The following LDLRAD3 variants were observed in gnomAD, a reference collection of about 807,000 sequenced individuals.
The protein encoded by LDLRAD3 is low density lipoprotein receptor class A domain containing 3.
A neutral mutation model predicts 29.4 loss-of-function variants in LDLRAD3; 20 were observed. The ratio of observed to expected loss-of-function variants is 0.68; its 90% CI spans 0.48 to 0.99. The LOEUF (loss-of-function observed/expected upper bound fraction) is 0.99, where lower values mean the gene tolerates loss of function less well. Among genes scored for constraint, LDLRAD3 ranks in the 50% least tolerant of loss-of-function variants. LDLRAD3 has a pLI of 0.00. For missense variants in LDLRAD3, 420 were observed against 454.3 expected, an observed-to-expected ratio of 0.92 and a Z score of 0.69; for synonymous variants, 157 against 192.7, an observed-to-expected ratio of 0.81 and a Z score of 1.53.
intron 4 of LDLRAD3, among the ~76,000 whole-genome samples, chr11:36,159,104 T>C (rs1241163663): frequency 6.6e-6 from 1 of 152,148 alleles, no homozygotes; most frequent in African/African-American, 2.4e-5. Flanking sequence ...CAGATTTGAA[T>C]AGAAATGAGG....
chr11:35,964,456 C>T (rs540314837), intron 1 of LDLRAD3, among the ~76,000 whole-genome samples: 19 of 152,244 alleles, frequency 1.2e-4, no homozygotes, highest in African/African-American at 4.6e-4. Context: ...CACAGAGACC[C>T]AGCTTAGAAC....
At chr11:36,211,170 G>A (rs1358799151) in intron 4 of LDLRAD3, among the ~76,000 whole-genome samples, 1 of 152,156 alleles carries the variant, frequency 6.6e-6, no homozygotes, top group Non-Finnish European at 1.5e-5. Flanking sequence ...CTCTGCCATT[G>A]TAGCATGAAA....
intron 4 of LDLRAD3, among the ~76,000 whole-genome samples, chr11:36,111,785 A>C (rs1011088802): frequency 4.6e-5 from 7 of 152,000 alleles, no homozygotes; most frequent in African/African-American, 1.7e-4. Context: ...TTTTTAGTAG[A>C]GATGGGGTTT....
At chr11:36,021,842 C>T (rs186990141) in intron 1 of LDLRAD3, among the ~76,000 whole-genome samples, 25 of 152,136 alleles carry the variant, frequency 1.6e-4, no homozygotes, top group South Asian at 1.0e-3. Context: ...GTAGAAATGA[C>T]GTCTCACTAT....
chr11:36,202,385 A>G (rs1364779014), intron 4 of LDLRAD3, among the ~76,000 whole-genome samples: 1 of 152,188 alleles, frequency 6.6e-6, no homozygotes, highest in African/African-American at 2.4e-5. Flanking sequence ...GGACTATAGC[A>G]GGAATACCCA....
At position 36,098,406 on chromosome 11, in the gene LDLRAD3, TG is replaced by T; in HGVS notation, c.401del (p.Gly134AspfsTer27). The T allele has an allele frequency of 1.2e-6, 2 of 1,614,250 alleles. No individual in the cohort carries two copies. The highest frequency in any genetic ancestry group is 1.7e-6 in the Non-Finnish European group (2 of 1,180,038). On this transcript the variant is annotated frameshift_variant, in exon 4 of 6. Transcript: ENST00000315571. LOFTEE classifies it high-confidence loss of function. Reference protein sequence around the residue: ...LCIDKSFICDGQNNCQDNSDE... With the variant: ...LCIDKSFICDXQNNCQDNSDE... ...GTATTGACAAGAGCTTCATCTGCGATGGACAGAATAACTGTCAAGACAACAG... is the reference window on the plus strand; with the variant it reads ...GTATTGACAAGAGCTTCATCTGCGATGACAGAATAACTGTCAAGACAACAG...
chr11:36,118,056 T>G (rs1214080144), intron 4 of LDLRAD3, among the ~76,000 whole-genome samples: 1 of 152,076 alleles, frequency 6.6e-6, no homozygotes, highest in Non-Finnish European at 1.5e-5. Flanking sequence ...ATGTGGATGG[T>G]GAGTTCCACA....
intron 4 of LDLRAD3, among the ~76,000 whole-genome samples, chr11:36,152,238 A>C (rs975463432): frequency 1.3e-5 from 2 of 152,172 alleles, no homozygotes; most frequent in African/African-American, 2.4e-5. Context: ...GAATTGAGTC[A>C]TTTTCTAAAT....
intron 2 of LDLRAD3, among the ~76,000 whole-genome samples, chr11:36,056,233 T>A (rs907723079): frequency 6.6e-6 from 1 of 152,052 alleles, no homozygotes; most frequent in Non-Finnish European, 1.5e-5. Flanking sequence ...GACTTTGTGA[T>A]CCACCCGCCG....
intron 4 of LDLRAD3, among the ~76,000 whole-genome samples, chr11:36,128,330 G>T (rs907061223): frequency 6.6e-6 from 1 of 151,870 alleles, no homozygotes; most frequent in African/African-American, 2.4e-5. Flanking sequence ...TCCATCTCAC[G>T]CATTTAACCG....
chr11:36,021,232 G>T (rs1852090827), intron 1 of LDLRAD3, among the ~76,000 whole-genome samples: 1 of 152,202 alleles, frequency 6.6e-6, no homozygotes, highest in South Asian at 2.1e-4. Flanking sequence ...TGGTTTGGAA[G>T]TTATCACCGT....
chr11:35,967,819 C>T (rs774439763), intron 1 of LDLRAD3: 38 of 435,174 alleles, frequency 8.7e-5, no homozygotes, highest in Non-Finnish European at 1.6e-4. Context: ...CCTGCAAGCT[C>T]CTGCCATTGC....
intron 1 of LDLRAD3, among the ~76,000 whole-genome samples, chr11:36,005,252 A>G (rs1185723568): frequency 1.3e-5 from 2 of 152,202 alleles, no homozygotes; most frequent in Non-Finnish European, 2.9e-5. Flanking sequence ...GTTCATGCAT[A>G]TGAGCATACA....
intron 4 of LDLRAD3, among the ~76,000 whole-genome samples, chr11:36,151,630 C>T (rs1455273600): frequency 6.6e-6 from 1 of 152,048 alleles, no homozygotes; most frequent in Non-Finnish European, 1.5e-5. Flanking sequence ...GGGCGGGATC[C>T]CACTTTGAAT....
At chr11:36,135,879 C>T (rs1853997307) in intron 4 of LDLRAD3, among the ~76,000 whole-genome samples, 1 of 152,146 alleles carries the variant, frequency 6.6e-6, no homozygotes, top group African/African-American at 2.4e-5. Context: ...CACTGCACTC[C>T]AGCCCAGGCA....
intron 4 of LDLRAD3, among the ~76,000 whole-genome samples, chr11:36,199,341 T>C (rs987862035): frequency 1.3e-5 from 2 of 152,332 alleles, no homozygotes; most frequent in Admixed American, 1.3e-4. Context: ...TCTTCTGAAA[T>C]TGTTGAAGGC....
chr11:36,159,368 C>G (rs932542089), intron 4 of LDLRAD3, among the ~76,000 whole-genome samples: 1 of 151,598 alleles, frequency 6.6e-6, no homozygotes, highest in Non-Finnish European at 1.5e-5. Context: ...ACTGGAGAAG[C>G]CGAGGTGGGA....
At position 36,229,393 on chromosome 11, in the gene LDLRAD3, T is replaced by A. The variant is rs1488666940; in HGVS notation, c.1034T>A (p.Val345Glu). The A allele has an allele frequency of 6.2e-7, 1 of 1,603,916 alleles. No homozygotes were observed. Among genetic ancestry groups the A allele is most frequent in the Non-Finnish European group, 8.5e-7 (1 of 1,171,570 alleles). Residue 345 changes from valine to glutamate, a missense_variant, in exon 6 of 6, where the codon GTA becomes GAA. By Grantham distance (121) the Val-to-Glu change is moderately radical. Around this residue, in one of 3 missense-constraint regions of LDLRAD3, gnomAD observed 140 missense variants for 139.9 expected, o/e 1.00. Coordinates refer to ENST00000315571, the MANE Select transcript of LDLRAD3 (RefSeq NM_174902.4). Reference sequence around the variant, plus strand: ...GAGCCCAGCCAGGGCACTGAAGAAGTATAAGTCCCAGTTATTCCAAAGTCC... The same window carrying A: ...GAGCCCAGCCAGGGCACTGAAGAAGAATAAGTCCCAGTTATTCCAAAGTCC... ...DSEPSQGTEE[V>E]
chr11:36,209,713 A>G (rs1377668484), intron 4 of LDLRAD3, among the ~76,000 whole-genome samples: 1 of 152,206 alleles, frequency 6.6e-6, no homozygotes. Flanking sequence ...CCAAATAAAA[A>G]ATTAAATTTT....
Sources: gnomAD v4.1 joint callset for allele counts (sites outside exome capture counted in the v4.1 genomes callset) on GRCh38, gnomAD v4.1.1 for gene constraint, gnomAD v4.1.1 regional missense constraint, MANE v1.5 for transcripts, NCBI Gene and HGNC (gene_info 2026-07-23, HGNC 2026-07-21) for gene names.